Variants in RRBP1 observed in about 807,000 individuals in gnomAD.
RRBP1 encodes the protein ribosome binding protein 1.
In RRBP1, 94 loss-of-function variants were observed where a neutral mutation model predicts 165.2. The observed-to-expected ratio is 0.57, with a 90% CI of 0.48 to 0.68. RRBP1 has a LOEUF of 0.68. Among genes scored for constraint, RRBP1 ranks in the 30% least tolerant of loss-of-function variants. The pLI, the probability that RRBP1 is intolerant of heterozygous loss-of-function variation, is 0.00. For missense variants in RRBP1, 1,676 were observed against 1,763.0 expected (o/e 0.95, Z 0.88); for synonymous variants, 680 against 714.5 (o/e 0.95, Z 0.77).
At chr20:17,619,378 G>A (rs1411417300) in intron 19 of RRBP1, 4 of 400,486 alleles carry the variant, frequency 1.0e-5, no homozygotes, top group African/African-American at 2.1e-5. Flanking sequence ...AACGTCAAAC[G>A]CCTCCCTCGG....
At chr20:17,621,435 G>A in intron 16 of RRBP1, 23 bp downstream of exon 16, 1 of 1,590,656 alleles carries the variant, frequency 6.3e-7, no homozygotes, top group Non-Finnish European at 8.6e-7. Context: ...GGGATGCCCA[G>A]CTGACAGGTT....
intron 3 of RRBP1, among the ~76,000 whole-genome samples, chr20:17,648,336 C>T (rs1240381178): frequency 5.3e-5 from 8 of 152,242 alleles, no homozygotes; most frequent in South Asian, 4.1e-4. Flanking sequence ...AGGCAAACTG[C>T]GACTCCTGCT....
At chr20:17,632,085 A>G (rs907376858) in intron 8 of RRBP1, among the ~76,000 whole-genome samples, 3 of 152,310 alleles carry the variant, frequency 2.0e-5, no homozygotes, top group South Asian at 4.1e-4. Context: ...CAGATGGGAA[A>G]ACTGAGGCTC....
chr20:17,653,191 C>T (rs2036588096), intron 3 of RRBP1, among the ~76,000 whole-genome samples: 1 of 152,218 alleles, frequency 6.6e-6, no homozygotes, highest in Non-Finnish European at 1.5e-5. Flanking sequence ...GCCCAGCGCG[C>T]CCTCGGGCTC....
intron 5 of RRBP1, chr20:17,641,424 C>T (rs2036356270): frequency 8.2e-6 from 2 of 245,112 alleles, no homozygotes; most frequent in African/African-American, 2.2e-5. Context: ...ACTGTGGCCA[C>T]CCTCCTTTCC....
intron 21 of RRBP1, among the ~76,000 whole-genome samples, chr20:17,616,250 T>C (rs1246029685): frequency 6.6e-6 from 1 of 152,048 alleles, no homozygotes; most frequent in Non-Finnish European, 1.5e-5. Context: ...ACAAGAACGA[T>C]GCCTCCGAGC....
intron 4 of RRBP1, 36 bp downstream of exon 4, chr20:17,642,943 G>T (rs2036392908): frequency 6.2e-7 from 1 of 1,604,494 alleles, no homozygotes; most frequent in Non-Finnish European, 8.5e-7. Context: ...CAGCTGCAGT[G>T]GCCTCTGAGC....
intron 5 of RRBP1, among the ~76,000 whole-genome samples, chr20:17,641,060 A>G (rs2036347214): frequency 6.6e-6 from 1 of 152,134 alleles, no homozygotes; most frequent in East Asian, 1.9e-4. Flanking sequence ...CCAGAGGGCC[A>G]GGGGGCCCCT....
chr20:17,673,371 T>C (rs1362779502), intron 2 of RRBP1, among the ~76,000 whole-genome samples: 6 of 152,218 alleles, frequency 3.9e-5, no homozygotes, highest in East Asian at 1.9e-4. Flanking sequence ...CAGCCCTTTA[T>C]AGTCCTGTGG....
chr20:17,642,026 G>A (rs2036372507), intron 4 of RRBP1, 107 bp from the exon 5 acceptor site: 5 of 1,269,158 alleles, frequency 3.9e-6, no homozygotes, highest in Non-Finnish European at 5.5e-6. Context: ...GTGGAGCAGG[G>A]GCTTCGAGTC....
chr20:17,620,977 T>C (rs963645928), intron 16 of RRBP1, among the ~76,000 whole-genome samples, 170 bp from the exon 17 acceptor site: 1 of 152,050 alleles, frequency 6.6e-6, no homozygotes, highest in Non-Finnish European at 1.5e-5. Flanking sequence ...GGGAGGGAGG[T>C]CCTCTGGCCA....
At chr20:17,629,765 C>T (rs1234776666) in intron 9 of RRBP1, 58 bp downstream of exon 9, 24 of 1,532,430 alleles carry the variant, frequency 1.6e-5, no homozygotes, top group Non-Finnish European at 1.8e-5. Flanking sequence ...GGGGCTGGGC[C>T]GGCATGCAGA....
At chr20:17,653,171 T>C (rs1314938638) in intron 3 of RRBP1, among the ~76,000 whole-genome samples, 15 of 152,126 alleles carry the variant, frequency 9.9e-5, no homozygotes, top group Admixed American at 9.8e-4. Context: ...TGCAGCTACA[T>C]GCCCACCGTG....
At chr20:17,627,875 C>T (rs2036061066) in intron 9 of RRBP1, among the ~76,000 whole-genome samples, 193 bp from the exon 10 acceptor site, 1 of 152,224 alleles carries the variant, frequency 6.6e-6, no homozygotes, top group South Asian at 2.1e-4. Context: ...GAAAGTGCCA[C>T]TCTGGCATCA....
chr20:17,620,433 A>T, intron 17 of RRBP1, 63 bp from the exon 18 acceptor site: 1 of 1,458,078 alleles, frequency 6.9e-7, no homozygotes, highest in Non-Finnish European at 9.6e-7. Flanking sequence ...TTCCGAGGCC[A>T]TGCTAGGACC....
chr20:17,632,744 G>T (rs571855822), intron 8 of RRBP1, among the ~76,000 whole-genome samples: 1 of 152,272 alleles, frequency 6.6e-6, no homozygotes, highest in Non-Finnish European at 1.5e-5. Flanking sequence ...AGCCCTATGT[G>T]GGGTCCACCT....
At position 17,660,011 on chromosome 20, in the gene RRBP1, T is replaced by C. The variant is rs868852254; in HGVS notation, c.497A>G (p.Lys166Arg). ...GGGAGCAGTTTCCAAGATGGCAGCCTTCGAAGTGAGAACCTGGATGGAATT... is the reference window on the plus strand; with the variant it reads ...GGGAGCAGTTTCCAAGATGGCAGCCCTCGAAGTGAGAACCTGGATGGAATT... ...VVNSIQVLTSKAAILETAPKE... is the reference protein window; with the variant it reads ...VVNSIQVLTSRAAILETAPKE... The change falls in exon 3 of 25, where the codon AAG (lysine) becomes AGG (arginine). Residue 166 changes from lysine (K) to arginine (R), a missense_variant. Transcript: ENST00000377813. 6.2e-7 allele frequency: 1 copy of C among 1,612,578 alleles called. No homozygotes were observed. Among genetic ancestry groups the C allele is most frequent in the Non-Finnish European group, 8.5e-7 (1 of 1,179,346 alleles).
chr20:17,640,430 AG>A (rs2036331647), intron 5 of RRBP1, among the ~76,000 whole-genome samples: 1 of 151,508 alleles, frequency 6.6e-6, no homozygotes, highest in African/African-American at 2.4e-5. Context: ...AGGTGAGGCC[AG>A]AGGCAGGGTG....
At position 17,613,704 on chromosome 20, in the gene RRBP1, G is replaced by A. The variant is rs1267416305; in HGVS notation, c.*478C>T. 2.6e-5 allele frequency: 4 copies of A among 153,794 alleles called. No homozygotes were observed. The highest frequency in any genetic ancestry group is 7.2e-5 in the African/African-American group (3 of 41,484). 9.5% of individuals were successfully genotyped at this position (153,794 alleles called of 1,614,324 possible). On this transcript the variant is annotated 3_prime_UTR_variant, in exon 25 of 25. Transcript: ENST00000377813. ...ACCGGGCACCAACGTTGGTTTTAATGGCATCAACACCCAGGAGGTCACACG... is the reference window on the plus strand; with the variant it reads ...ACCGGGCACCAACGTTGGTTTTAATAGCATCAACACCCAGGAGGTCACACG...
Sources: allele counts gnomAD v4.1 joint callset (sites outside exome capture counted in the v4.1 genomes callset), GRCh38; gene constraint gnomAD v4.1.1; transcripts MANE v1.5; gene names NCBI Gene and HGNC (gene_info 2026-07-23, HGNC 2026-07-21).